CDC25A: variants seen among roughly 807,000 people sequenced by gnomAD.
The protein encoded by CDC25A is cell division cycle 25A.
A neutral mutation model predicts 64.6 loss-of-function variants in CDC25A; 17 were observed. That is an observed-to-expected ratio of 0.26 (90% confidence interval 0.18 to 0.39). The LOEUF is 0.39. Among genes scored for constraint, CDC25A ranks in the 10% least tolerant of loss-of-function variants. The pLI, the probability that CDC25A is intolerant of heterozygous loss-of-function variation, is 1.00. For missense variants in CDC25A, 473 were observed against 654.8 expected, an observed-to-expected ratio of 0.72 and a Z score of 3.03; for synonymous variants, 229 against 238.6, an observed-to-expected ratio of 0.96 and a Z score of 0.37.
At position 48,157,611 on chromosome 3, in the gene CDC25A, C is replaced by T. The variant is rs1239872108; in HGVS notation, c.*1334G>A. 6.6e-6 allele frequency: 1 copy of T among 152,618 alleles called. No individual in the cohort carries two copies. Among genetic ancestry groups the T allele is most frequent in the Non-Finnish European group, 1.5e-5 (1 of 68,042 alleles). The allele number at this position is 152,618 out of a possible 1,614,324, so 9.5% of individuals were successfully genotyped here. A position where few individuals can be genotyped will look rare whatever the true frequency, so the allele number is the denominator to read the frequency against. On this transcript the variant is annotated 3_prime_UTR_variant, in exon 15 of 15. Transcript: ENST00000302506. ...GTCTCTCTAGAATCAATGAAGTCTG[C>T]CCCAGCTCCTTGGATGAGGTGTTCT...
intron 7 of CDC25A, 133 bp from the exon 8 acceptor site, chr3:48,177,575 T>C: frequency 1.4e-6 from 1 of 728,812 alleles, no homozygotes; most frequent in Admixed American, 2.6e-5. Context: ...TACCATCCTA[T>C]ACCGTTCTGA....
At chr3:48,173,113 G>A (rs1049184255) in intron 9 of CDC25A, among the ~76,000 whole-genome samples, 7 of 150,830 alleles carry the variant, frequency 4.6e-5, no homozygotes, top group Admixed American at 1.3e-4. Flanking sequence ...CAGCTACTGG[G>A]AGGCTGAAGC....
intron 1 of CDC25A, 131 bp from the exon 2 acceptor site, chr3:48,186,910 CAAAGAT>C: frequency 1.6e-6 from 1 of 621,924 alleles, no homozygotes; most frequent in Non-Finnish European, 2.8e-6. Context: ...CCACAAGTGG[CAAAGAT>C]CCCACTTTGC....
At chr3:48,183,917 C>A in intron 3 of CDC25A, 81 bp from the exon 4 acceptor site, 1 of 858,468 alleles carries the variant, frequency 1.2e-6, no homozygotes, top group East Asian at 2.6e-5. Flanking sequence ...AGTGTTTAGC[C>A]TGTAGCTTGG....
chr3:48,187,057 T>C (rs1465655534), intron 1 of CDC25A, among the ~76,000 whole-genome samples: 1 of 152,208 alleles, frequency 6.6e-6, no homozygotes, highest in African/African-American at 2.4e-5. Flanking sequence ...AAGCATGTGT[T>C]CTAAGTACTG....
chr3:48,161,048 G>A (rs1052331518), intron 13 of CDC25A: 3 of 151,686 alleles, frequency 2.0e-5, no homozygotes, highest in Admixed American at 2.0e-4. Flanking sequence ...AGCTACTTGG[G>A]AGGCTGAGGC....
chr3:48,180,489 T>C (rs1352537447), intron 6 of CDC25A: 1 of 418,168 alleles, frequency 2.4e-6, no homozygotes, highest in African/African-American at 2.0e-5. Context: ...ACAAGGTCGA[T>C]TATTCCTTGC....
In CDC25A at chr3:48,187,944, C is replaced by T; in HGVS notation, c.4G>A (p.Glu2Lys). 7 of 1,493,126 alleles carry T rather than the reference C, an allele frequency of 4.7e-6. No homozygotes were observed. Among genetic ancestry groups the T allele is most frequent in the Non-Finnish European group, 6.2e-6 (7 of 1,125,916 alleles). The allele number at this position is 1,493,126 out of a possible 1,614,324, so 92.5% of individuals were successfully genotyped here. A position where few individuals can be genotyped will look rare whatever the true frequency, so the allele number is the denominator to read the frequency against. The change falls in exon 1 of 15, where the codon GAA (glutamate) becomes AAA (lysine). Residue 2 changes from glutamate (E) to lysine (K), a missense_variant. Coordinates refer to ENST00000302506, the MANE Select transcript of CDC25A (RefSeq NM_001789.3). Reference sequence around the variant, plus strand: ...CGGTGCGGGGGCTCCGGGCCCAGTTCCATGGCGGCGCCCGGCCTCGCAGAG... The same window carrying T: ...CGGTGCGGGGGCTCCGGGCCCAGTTTCATGGCGGCGCCCGGCCTCGCAGAG... Reference protein sequence around the residue: MELGPEPPHRRR... With the variant: MKLGPEPPHRRR...
In CDC25A at chr3:48,158,913, G is replaced by T; in HGVS notation, c.*32C>A. On this transcript the variant is annotated 3_prime_UTR_variant, in exon 15 of 15. Coordinates refer to ENST00000302506, the MANE Select transcript of CDC25A (RefSeq NM_001789.3). The stretch of plus-strand genomic sequence containing the variant: ...AGAGGGTAAAGGGGGATGGAGGGAA[G>T]CTTGGGCTGCTGCTGGCTGGTCCTG... 1 of 1,612,834 alleles carries T rather than the reference G, an allele frequency of 6.2e-7. No homozygotes were observed. Among genetic ancestry groups the T allele is most frequent in the Non-Finnish European group, 8.5e-7 (1 of 1,179,310 alleles).
chr3:48,160,344 T>C (rs1443047201), intron 13 of CDC25A, among the ~76,000 whole-genome samples: 1 of 148,100 alleles, frequency 6.8e-6, no homozygotes, highest in Non-Finnish European at 1.5e-5. Context: ...CTCTTGACCT[T>C]GTGATCCACC....
chr3:48,183,775 C>A (rs757575567), intron 4 of CDC25A, 25 bp downstream of exon 4: 1 of 1,506,062 alleles, frequency 6.6e-7, no homozygotes, highest in Non-Finnish European at 9.2e-7. Flanking sequence ...GGTATTAGCT[C>A]AAAATAAACA....
intron 13 of CDC25A, among the ~76,000 whole-genome samples, chr3:48,162,266 T>TTG (rs35591959): frequency 0.62 from 89,313 of 144,584 alleles, 27,306 homozygotes; most frequent in East Asian, 0.68. Context: ...AGTATAACCT[T>TTG]TGTGTGTGTG....
chr3:48,184,328 G>A (rs1489366759), intron 3 of CDC25A, among the ~76,000 whole-genome samples: 1 of 152,084 alleles, frequency 6.6e-6, no homozygotes, highest in African/African-American at 2.4e-5. Flanking sequence ...TCTAGCCTGG[G>A]CGGCAGAGTG....
intron 9 of CDC25A, among the ~76,000 whole-genome samples, chr3:48,170,284 G>GC (rs1414229431): frequency 6.6e-6 from 1 of 152,056 alleles, no homozygotes; most frequent in African/African-American, 2.4e-5. Context: ...GAAGTTGAGG[G>GC]CCCAGTCCTC....
intron 9 of CDC25A, among the ~76,000 whole-genome samples, chr3:48,173,625 C>T (rs1327207561): frequency 6.6e-6 from 1 of 152,202 alleles, no homozygotes; most frequent in Non-Finnish European, 1.5e-5. Context: ...CACCACCCCA[C>T]GGGGATGGAA....
At chr3:48,187,754 C>A (rs1250351010) in intron 1 of CDC25A, 24 bp downstream of exon 1, 6 of 1,528,138 alleles carry the variant, frequency 3.9e-6, no homozygotes, top group Non-Finnish European at 5.3e-6. Context: ...GGGCCCGGAG[C>A]ACCGCCCGCC....
At chr3:48,159,569 T>A (rs539913127) in intron 13 of CDC25A, 114 bp from the exon 14 acceptor site, 2 of 678,540 alleles carry the variant, frequency 2.9e-6, no homozygotes, top group South Asian at 3.4e-5. Context: ...TCTTCCCAAC[T>A]TGACATTTAT....
chr3:48,171,628 C>T (rs2032274276), intron 9 of CDC25A, among the ~76,000 whole-genome samples: 1 of 152,032 alleles, frequency 6.6e-6, no homozygotes, highest in South Asian at 2.1e-4. Flanking sequence ...ATCCACCCGC[C>T]TTGTCCTCCC....
At position 48,180,714 on chromosome 3, in the gene CDC25A, C is replaced by G. The variant is rs770391848; in HGVS notation, c.549+7G>C. ...AGGAATTCCCCTATGAAAGCCAGAG[C>G]ACATACCATCCGAGCTGGGGCAGAG... On this transcript the variant is annotated splice_region_variant and intron_variant, in intron 6 of 14. Coordinates refer to ENST00000302506, the MANE Select transcript of CDC25A (RefSeq NM_001789.3). 1 of 1,613,860 alleles carries G rather than the reference C, an allele frequency of 6.2e-7. No homozygotes were observed. Among genetic ancestry groups the G allele is most frequent in the Admixed American group, 1.7e-5 (1 of 60,006 alleles).
Sources: gnomAD v4.1 joint callset for allele counts (sites outside exome capture counted in the v4.1 genomes callset) on GRCh38, gnomAD v4.1.1 for gene constraint, MANE v1.5 for transcripts, NCBI Gene and HGNC (gene_info 2026-07-23, HGNC 2026-07-21) for gene names.